USP20: variants seen among roughly 807,000 people sequenced by gnomAD.
USP20 encodes ubiquitin carboxyl-terminal hydrolase 20.
In USP20, 80 loss-of-function variants were observed where a neutral mutation model predicts 124.2. The ratio of observed to expected loss-of-function variants is 0.64; its 90% CI spans 0.54 to 0.78. The LOEUF (loss-of-function observed/expected upper bound fraction) is 0.78, where lower values mean the gene tolerates loss of function less well. USP20 is among the 30% of genes least tolerant of loss of function. USP20 has a pLI of 0.00. For synonymous variants in USP20, 481 were observed against 512.3 expected (o/e 0.94, Z 0.83); for missense variants, 1,043 against 1,244.4 (o/e 0.84, Z 2.44).
intron 6 of USP20, 113 bp downstream of exon 6, chr9:129,858,711 T>C (rs2174157): frequency 1 from 1,464,959 of 1,465,230 alleles, 732,346 homozygotes; most frequent in East Asian, 1. Flanking sequence ...GGTGTCTGTT[T>C]CTGGGTCAGT....
chr9:129,864,872 T>C (rs1393785596), intron 9 of USP20, among the ~76,000 whole-genome samples: 1 of 152,018 alleles, frequency 6.6e-6, no homozygotes, highest in Non-Finnish European at 1.5e-5. Context: ...TGTATATGCA[T>C]CTGTAGTTTC....
At position 129,874,829 on chromosome 9, in the gene USP20, G is replaced by C. The variant is rs2034310691; in HGVS notation, c.1922G>C (p.Ser641Thr). Reference sequence around the variant, plus strand: ...TGACCCGTCTGCTCTGCCGCCGCAGGTGGGCACTACATCGCCTACTGCCAG... The same window carrying C: ...TGACCCGTCTGCTCTGCCGCCGCAGCTGGGCACTACATCGCCTACTGCCAG... ...SVICHHGTAG[S>T]GHYIAYCQNV... Residue 641 changes from serine (S) to threonine (T), a missense_variant and splice_region_variant, in exon 19 of 26, where the codon AGT becomes ACT. Transcript: ENST00000372429. 1.2e-6 allele frequency: 2 copies of C among 1,614,090 alleles called. No homozygotes were observed. The highest frequency in any genetic ancestry group is 1.7e-6 in the Non-Finnish European group (2 of 1,180,024).
At position 129,876,247 on chromosome 9, in the gene USP20, G is replaced by T; in HGVS notation, c.2409+9G>T. 1 of 1,604,256 alleles carries T rather than the reference G, an allele frequency of 6.2e-7. No individual in the cohort carries two copies. On this transcript the variant is annotated intron_variant, in intron 22 of 25. Transcript: ENST00000372429. The stretch of plus-strand genomic sequence containing the variant: ...TCGACACCTTCATCAAGGTGCGTGC[G>T]GCGAGGCGGCGCGGGGGCGGCTCTG...
In USP20 at chr9:129,869,100, C is replaced by T. The variant is rs976913908; in HGVS notation, c.1276+98C>T. On this transcript the variant is annotated intron_variant, in intron 12 of 25. Coordinates refer to ENST00000372429, the MANE Select transcript of USP20 (RefSeq NM_001110303.4). ...TGGCCCCCTGTGGCGGAGGGCCGGG[C>T]TATGGGCTCCTCTCAGGTACACCCC... 3.4e-6 allele frequency: 5 copies of T among 1,467,974 alleles called. No homozygotes were observed. The African/African-American group carries it at 7.0e-5, about 21-fold the overall frequency. The allele number at this position is 1,467,974 out of a possible 1,614,324, so 90.9% of individuals were successfully genotyped here.
intron 3 of USP20, among the ~76,000 whole-genome samples, chr9:129,854,745 A>G (rs1446353390): frequency 1.3e-5 from 2 of 152,178 alleles, no homozygotes; most frequent in African/African-American, 2.4e-5. Flanking sequence ...TGAGTCTGCT[A>G]AGCAGACTGA....
intron 2 of USP20, among the ~76,000 whole-genome samples, chr9:129,850,161 G>C (rs2032828742): frequency 6.6e-6 from 1 of 152,176 alleles, no homozygotes; most frequent in Non-Finnish European, 1.5e-5. Context: ...TAATTGATGA[G>C]TCTAGGTACA....
chr9:129,854,612 A>G (rs1037769879), intron 3 of USP20, among the ~76,000 whole-genome samples: 4 of 150,918 alleles, frequency 2.7e-5, no homozygotes, highest in African/African-American at 9.8e-5. Context: ...TATAGCAAGC[A>G]TTCGATACTT....
At chr9:129,853,766 T>C (rs2033063739) in intron 3 of USP20, among the ~76,000 whole-genome samples, 1 of 152,126 alleles carries the variant, frequency 6.6e-6, no homozygotes, top group Admixed American at 6.6e-5. Flanking sequence ...TCTCCACTTC[T>C]TAGGGAATCT....
intron 1 of USP20, among the ~76,000 whole-genome samples, chr9:129,848,538 A>G (rs1486246704): frequency 6.6e-6 from 1 of 152,088 alleles, no homozygotes; most frequent in African/African-American, 2.4e-5. Flanking sequence ...CTGTAATCCC[A>G]GCAACTCAGG....
intron 17 of USP20, 27 bp from the exon 18 acceptor site, chr9:129,874,549 T>C (rs2034288817): frequency 6.2e-7 from 1 of 1,609,628 alleles, no homozygotes. Flanking sequence ...TCTTCCTAGA[T>C]GACCGGCGCT....
chr9:129,874,825 G>T lies in USP20; in HGVS notation c.1922-4G>T. 6.2e-7 allele frequency: 1 copy of T among 1,614,036 alleles called. No individual in the cohort carries two copies. The highest frequency in any genetic ancestry group is 8.5e-7 in the Non-Finnish European group (1 of 1,180,024). ...CCTGTGACCCGTCTGCTCTGCCGCC[G>T]CAGGTGGGCACTACATCGCCTACTG... On this transcript the variant is annotated splice_region_variant and splice_polypyrimidine_tract_variant and intron_variant, in intron 18 of 25. Transcript: ENST00000372429.
chr9:129,857,041 T>C (rs1162883944), intron 4 of USP20, among the ~76,000 whole-genome samples: 1 of 152,000 alleles, frequency 6.6e-6, no homozygotes, highest in Non-Finnish European at 1.5e-5. Flanking sequence ...AAATGACTGT[T>C]ACTTAAAATT....
In USP20 at chr9:129,874,671, G is replaced by A. The variant is rs1465865778; in HGVS notation, c.1836G>A (p.Leu612=). ...HVSFPLEGLD[L]RPFLAKECTS... is the part of the protein sequence containing the mutation. ...CCTTCCCCCTCGAGGGGCTCGACCT[G>A]CGCCCCTTCCTTGCCAAGGAGTGCA... is the stretch of plus-strand genomic sequence containing the variant. Residue 612 remains leucine (L), a synonymous_variant, in exon 18 of 26, where the codon CTG becomes CTA. Coordinates refer to ENST00000372429, the MANE Select transcript of USP20 (RefSeq NM_001110303.4). The A allele has an allele frequency of 4.3e-6, 7 of 1,613,882 alleles. No individual in the cohort carries two copies. The South Asian group carries it at 7.7e-5, about 18-fold the overall frequency.
chr9:129,845,789 A>G (rs1318362667), intron 1 of USP20, among the ~76,000 whole-genome samples: 2 of 152,268 alleles, frequency 1.3e-5, no homozygotes, highest in African/African-American at 4.8e-5. Context: ...TAGAAAATGC[A>G]GAAAAGCAAA....
chr9:129,875,356 C>G lies in USP20; in HGVS notation c.2095C>G (p.Leu699Val). Residue 699 changes from leucine to valine, a missense_variant, in exon 20 of 26, where the codon CTG (leucine) becomes GTG (valine). Physicochemically the swap from Leu to Val is conservative, Grantham distance 32. Coordinates refer to ENST00000372429, the MANE Select transcript of USP20 (RefSeq NM_001110303.4). The stretch of plus-strand genomic sequence containing the variant: ...GCGGGAGCGACAGCAGGTGGTGTCC[C>G]TGGCCGCCATGCGGGAGCCCAGCCT... ...AMRERQQVVS[L>V]AAMREPSLLR... 7.4e-6 allele frequency: 12 copies of G among 1,612,706 alleles called. No individual in the cohort carries two copies. The highest frequency in any genetic ancestry group is 1.0e-5 in the Non-Finnish European group (12 of 1,179,750).
At chr9:129,875,501 G>C in intron 20 of USP20, 22 bp downstream of exon 20, 2 of 1,612,584 alleles carry the variant, frequency 1.2e-6, no homozygotes, top group Non-Finnish European at 8.5e-7. Context: ...CCTGTGGTGG[G>C]AGAGCAGGGT....
At chr9:129,869,534 T>C (rs1187281757) in intron 13 of USP20, 109 bp downstream of exon 13, 1 of 1,525,988 alleles carries the variant, frequency 6.6e-7, no homozygotes, top group Non-Finnish European at 9.0e-7. Flanking sequence ...CCTGCTTTTA[T>C]CCAGGGGAGG....
At position 129,880,455 on chromosome 9, in the gene USP20, G is replaced by A. The variant is rs372493138; in HGVS notation, c.*17-12G>A. 64 of 807,520 alleles carry A rather than the reference G, an allele frequency of 7.9e-5. No individual in the cohort carries two copies. Among genetic ancestry groups the A allele is most frequent in the African/African-American group, 5.2e-4 (30 of 57,692 alleles). 50.0% of individuals were successfully genotyped at this position (807,520 alleles called of 1,614,324 possible). ...GGCCCGGCCCCACTGCTGAGTGCCC[G>A]TGTCCCCACAGCCCCATGTGCCCCA... On this transcript the variant is annotated splice_polypyrimidine_tract_variant and intron_variant, in intron 25 of 25. Coordinates refer to ENST00000372429, the MANE Select transcript of USP20 (RefSeq NM_001110303.4).
At position 129,876,622 on chromosome 9, in the gene USP20, G is replaced by A. The variant is rs566602647; in HGVS notation, c.2409+384G>A. Among the ~76,000 whole-genome samples, 5 of 142,386 alleles carry A rather than the reference G, an allele frequency of 3.5e-5. No individual in the cohort carries two copies. In the South Asian group the frequency reaches 6.9e-4, roughly 20 times the overall value. The allele number at this position is 142,386 out of a possible 152,430, so 93.4% of individuals were successfully genotyped here. A position where few individuals can be genotyped will look rare whatever the true frequency, so the allele number is the denominator to read the frequency against. The stretch of plus-strand genomic sequence containing the variant: ...CCACTGCGCTCCAGCCTGGGCAACC[G>A]AGTAAGACTCCATCTCAAAAAAAAA... On this transcript the variant is annotated intron_variant, in intron 22 of 25. Transcript: ENST00000372429.
Sources: gnomAD v4.1 joint callset for allele counts (sites outside exome capture counted in the v4.1 genomes callset) on GRCh38, gnomAD v4.1.1 for gene constraint, MANE v1.5 for transcripts, NCBI Gene and HGNC (gene_info 2026-07-23, HGNC 2026-07-21) for gene names.